Variants in CCDC83 observed in about 807,000 individuals in gnomAD.
CCDC83 encodes the protein coiled-coil domain-containing protein 83.
CCDC83 carries 54 observed loss-of-function variants against 50.1 expected under a neutral mutation model. The observed-to-expected ratio is 1.08, with a 90% confidence interval of 0.87 to 1.35. The LOEUF is 1.35. Ranked by LOEUF, CCDC83 falls within the 40% of genes most tolerant of loss-of-function variation. CCDC83 has a pLI of 0.00. For synonymous variants in CCDC83, 161 were observed against 153.3 expected (o/e 1.05, Z -0.37); for missense variants, 518 against 473.9 (o/e 1.09, Z -0.86).
intron 5 of CCDC83, among the ~76,000 whole-genome samples, chr11:85,891,873 A>T (rs2135067086): frequency 6.6e-6 from 1 of 152,318 alleles, no homozygotes; most frequent in Non-Finnish European, 1.5e-5. Flanking sequence ...CAAATGGAAC[A>T]GGGATTTGAA....
At position 85,908,799 on chromosome 11, in the gene CCDC83, G is replaced by A. The variant is rs566645375; in HGVS notation, c.673-2482G>A. ...CCAAGTGTTCTACTACTGCAGTTTC[G>A]CTACTCAGGAGGCTGAGGTGGAAGG... On this transcript the variant is annotated intron_variant, in intron 7 of 10. Transcript: ENST00000342404. 9.9e-5 allele frequency among the ~76,000 whole-genome samples: 15 copies of A among 151,756 alleles called. No homozygotes were observed. The East Asian group carries it at 1.9e-3, about 20-fold the overall frequency.
chr11:85,906,916 TTAAA>T (rs1204574096), intron 7 of CCDC83, among the ~76,000 whole-genome samples: 1 of 146,644 alleles, frequency 6.8e-6, no homozygotes, highest in Non-Finnish European at 1.5e-5. Flanking sequence ...TTAAATTAAA[TTAAA>T]TAAATAACAA....
rs140047033 is a variant in CCDC83, at chr11:85,907,721, AAGGCCGAGGG to A, written c.673-3557_673-3548del. On this transcript the variant is annotated intron_variant, in intron 7 of 10. Transcript: ENST00000342404. The stretch of plus-strand genomic sequence containing the variant: ...TAGTTTTTATTCCCTAACATTTCAA[AAGGCCGAGGG>A]AGATAGCTATTGAGGAGCACATTAC... 5.7e-3 allele frequency among the ~76,000 whole-genome samples: 862 copies of A among 152,306 alleles called. 11 individuals carry two copies. Among genetic ancestry groups the A allele is most frequent in the African/African-American group, 0.02 (839 of 41,558 alleles).
intron 10 of CCDC83, 129 bp from the exon 11 acceptor site, chr11:85,919,217 ACAG>A: frequency 1.3e-6 from 1 of 788,928 alleles, no homozygotes; most frequent in Non-Finnish European, 2.0e-6. Context: ...CATGTGCTAC[ACAG>A]CATCAGGCAA....
intron 7 of CCDC83, among the ~76,000 whole-genome samples, chr11:85,906,548 A>C (rs2093426414): frequency 6.6e-6 from 1 of 152,196 alleles, no homozygotes. Context: ...AAAAAGTCTA[A>C]GTTTAATGGC....
At chr11:85,881,943 G>T (rs181581444) in intron 3 of CCDC83, among the ~76,000 whole-genome samples, 1 of 152,212 alleles carries the variant, frequency 6.6e-6, no homozygotes, top group East Asian at 1.9e-4. Flanking sequence ...AATTTGGGAA[G>T]TTTCCAGCCA....
chr11:85,865,081 CT>C lies in CCDC83; in HGVS notation c.-28-14del, dbSNP rs1262106188. 2 of 1,321,626 alleles carry C rather than the reference CT, an allele frequency of 1.5e-6. No homozygotes were observed. The highest frequency in any genetic ancestry group is 3.6e-5 in the Admixed American group (2 of 55,322). 81.9% of individuals were successfully genotyped at this position (1,321,626 alleles called of 1,614,324 possible). On this transcript the variant is annotated splice_polypyrimidine_tract_variant and intron_variant, in intron 1 of 10. Transcript: ENST00000342404. ...GATGGAATTTTTCACTTTCGTATGT[CT>C]CCTTTCTAAACAGGTATATTTCTTC...
intron 7 of CCDC83, among the ~76,000 whole-genome samples, chr11:85,901,637 A>C (rs2093402552): frequency 7.3e-6 from 1 of 136,672 alleles, no homozygotes; most frequent in Admixed American, 7.1e-5. Context: ...GGAAGACCAC[A>C]ATACAAAAAA....
Position 85,898,930 on chromosome 11 carries a change from C to A in CCDC83, c.604-17C>A. ...AGCATGTGGCAACTCTTCCTTAATC[C>A]AGAAACTTTCTTTTAGAATGCTGTA... is the stretch of plus-strand genomic sequence containing the variant. On this transcript the variant is annotated splice_polypyrimidine_tract_variant and intron_variant, in intron 6 of 10. Transcript: ENST00000342404. 4 of 1,593,744 alleles carry A rather than the reference C, an allele frequency of 2.5e-6. No homozygotes were observed. The highest frequency in any genetic ancestry group is 3.4e-6 in the Non-Finnish European group (4 of 1,164,202).
intron 3 of CCDC83, 89 bp from the exon 4 acceptor site, chr11:85,882,424 C>T (rs948715714): frequency 1.5e-5 from 20 of 1,323,634 alleles, no homozygotes; most frequent in Non-Finnish European, 2.0e-5. Flanking sequence ...CCTGTGATAC[C>T]CAAAGGCCGG....
chr11:85,877,047 A>T (rs1412630469), intron 3 of CCDC83, among the ~76,000 whole-genome samples: 2 of 152,238 alleles, frequency 1.3e-5, no homozygotes, highest in African/African-American at 4.8e-5. Flanking sequence ...TACTCAAAAT[A>T]ATTTTTGAGA....
chr11:85,895,757 G>A (rs2093371513), intron 6 of CCDC83, among the ~76,000 whole-genome samples: 1 of 152,140 alleles, frequency 6.6e-6, no homozygotes, highest in Admixed American at 6.6e-5. Flanking sequence ...AATAGTGTGA[G>A]GGTTAAATGA....
At chr11:85,860,312 A>AG (rs2093168586) in intron 1 of CCDC83, among the ~76,000 whole-genome samples, 1 of 151,476 alleles carries the variant, frequency 6.6e-6, no homozygotes, top group Non-Finnish European at 1.5e-5. Context: ...AAAAAAAAAA[A>AG]AAAAAAAAAA....
At chr11:85,861,369 T>C (rs113725167) in intron 1 of CCDC83, among the ~76,000 whole-genome samples, 2,956 of 152,294 alleles carry the variant, frequency 0.019, 106 homozygotes, top group African/African-American at 0.066. Context: ...ATTTGGGAAC[T>C]GCAGTTCAAA....
At chr11:85,907,545 A>T (rs1042181859) in intron 7 of CCDC83, among the ~76,000 whole-genome samples, 3 of 152,182 alleles carry the variant, frequency 2.0e-5, no homozygotes, top group Admixed American at 2.0e-4. Context: ...GTTTTAACTA[A>T]ATTATCTCTC....
chr11:85,916,186 G>C lies in CCDC83; in HGVS notation c.1033G>C (p.Asp345His). ...KEENSGTEFG[D>H]TDMKYLLYED... Reference sequence around the variant, plus strand: ...GGAAAACTCAGGCACAGAGTTTGGGGACACTGATATGAAGTACTTACTATA... The same window carrying C: ...GGAAAACTCAGGCACAGAGTTTGGGCACACTGATATGAAGTACTTACTATA... The change falls in exon 10 of 11, where the codon GAC (aspartate) becomes CAC (histidine). Residue 345 changes from aspartate (D) to histidine (H), a missense_variant. Asp to His is a moderately conservative substitution (Grantham distance 81). Transcript: ENST00000342404. 6.2e-7 allele frequency: 1 copy of C among 1,613,260 alleles called. No homozygotes were observed. The highest frequency in any genetic ancestry group is 8.5e-7 in the Non-Finnish European group (1 of 1,179,480).
rs571993689 is a variant in CCDC83 at position 85,905,240 on chromosome 11, C to T, written c.673-6041C>T. On this transcript the variant is annotated intron_variant, in intron 7 of 10. Transcript: ENST00000342404. ...AGAGGATCACCTGAAGTCAAGAGTT[C>T]GAGACCAGCCTTACCAACATGGAGA... 6.6e-5 allele frequency among the ~76,000 whole-genome samples: 10 copies of T among 150,968 alleles called. No individual in the cohort carries two copies. The East Asian group carries it at 9.8e-4, about 15-fold the overall frequency.
At chr11:85,897,679 A>T (rs1313795414) in intron 6 of CCDC83, among the ~76,000 whole-genome samples, 1 of 152,220 alleles carries the variant, frequency 6.6e-6, no homozygotes, top group Non-Finnish European at 1.5e-5. Flanking sequence ...CCATTAGCCA[A>T]TTAACTTCAG....
At chr11:85,872,300 C>G (rs752007986) in intron 2 of CCDC83, among the ~76,000 whole-genome samples, 2 of 152,106 alleles carry the variant, frequency 1.3e-5, no homozygotes, top group African/African-American at 2.4e-5. Context: ...GCCTGGCCAA[C>G]ATGGTGAAAC....
Sources: gnomAD v4.1 joint callset for allele counts (sites outside exome capture counted in the v4.1 genomes callset) on GRCh38, gnomAD v4.1.1 for gene constraint, MANE v1.5 for transcripts, NCBI Gene and HGNC (gene_info 2026-07-23, HGNC 2026-07-21) for gene names.